The following SMOC2 variants were observed in gnomAD, a reference collection of about 807,000 sequenced individuals.
The protein encoded by SMOC2 is SPARC-related modular calcium-binding protein 2.
SMOC2 carries 39 observed loss-of-function variants against 61.4 expected under a neutral mutation model. The observed-to-expected ratio is 0.64, with a 90% CI of 0.49 to 0.83. SMOC2 has a LOEUF of 0.83. Among genes scored for constraint, SMOC2 ranks in the 40% least tolerant of loss-of-function variants. The pLI is 0.00. For missense variants in SMOC2, 556 were observed against 592.9 expected, an observed-to-expected ratio of 0.94 and a Z score of 0.65; for synonymous variants, 247 against 239.9, an observed-to-expected ratio of 1.03 and a Z score of -0.27.
At chr6:168,570,041 C>T (rs1229898978) in intron 7 of SMOC2, among the ~76,000 whole-genome samples, 6 of 151,598 alleles carry the variant, frequency 4.0e-5, no homozygotes, top group South Asian at 2.1e-4. Context: ...GCGTAAGGTC[C>T]GTGTCTAGAC....
chr6:168,515,490 C>T (rs1311898999), intron 2 of SMOC2, among the ~76,000 whole-genome samples: 2 of 152,228 alleles, frequency 1.3e-5, no homozygotes, highest in African/African-American at 4.8e-5. Context: ...TAAGTCTGTT[C>T]CCTGCTGGGG....
Position 168,647,403 on chromosome 6 carries a change from C to T in SMOC2, c.908-3278C>T, listed in dbSNP as rs930360187. Among the ~76,000 whole-genome samples the T allele has an allele frequency of 2.6e-5, 4 of 152,204 alleles. No homozygotes were observed. In the East Asian group the frequency reaches 7.7e-4, roughly 29 times the overall value. Reference sequence around the variant, plus strand: ...AGCTTCCCCAGCCTGAATCACACACCACAAAATGCCAGAGCAAAGGGTGGC... The same window carrying T: ...AGCTTCCCCAGCCTGAATCACACACTACAAAATGCCAGAGCAAAGGGTGGC... On this transcript the variant is annotated intron_variant, in intron 9 of 12. Transcript: ENST00000356284.
Position 168,568,258 on chromosome 6 carries a change from A to G in SMOC2, c.637+19055A>G, listed in dbSNP as rs1034897998. Among the ~76,000 whole-genome samples, 6 of 152,282 alleles carry G rather than the reference A, an allele frequency of 3.9e-5. No individual in the cohort carries two copies. In the East Asian group the frequency reaches 9.7e-4, roughly 25 times the overall value. On this transcript the variant is annotated intron_variant, in intron 7 of 12. Coordinates refer to ENST00000356284, the MANE Select transcript of SMOC2 (RefSeq NM_001166412.2). ...ATATTAGCATTTAGCGCGTCTTCTC[A>G]TGTCTTCTCCTCAGGGGTGGAACAG...
rs13210747 is a variant in SMOC2, at chr6:168,558,914, T to C, written c.637+9711T>C. Among the ~76,000 whole-genome samples, 76 of 151,962 alleles carry C rather than the reference T, an allele frequency of 5.0e-4. 1 individual carries two copies. Among genetic ancestry groups the C allele is most frequent in the Non-Finnish European group, 9.4e-4 (64 of 67,974 alleles). ...GTGTGCATGTGTGTGCACGTGTGTA[T>C]GTGTGCTTGTGCGCACGTGTGTGCG... On this transcript the variant is annotated intron_variant, in intron 7 of 12. Transcript: ENST00000356284.
chr6:168,497,424 C>T (rs969701214), intron 1 of SMOC2, among the ~76,000 whole-genome samples: 1 of 152,180 alleles, frequency 6.6e-6, no homozygotes, highest in Non-Finnish European at 1.5e-5. Context: ...AAGAATTCGC[C>T]CTTCCTTTCA....
At chr6:168,485,812 T>C (rs1349747155) in intron 1 of SMOC2, among the ~76,000 whole-genome samples, 1 of 152,216 alleles carries the variant, frequency 6.6e-6, no homozygotes, top group Admixed American at 6.6e-5. Flanking sequence ...TTTGAATGGA[T>C]GAATTGTGTG....
chr6:168,588,803 T>C (rs975384475), intron 7 of SMOC2, among the ~76,000 whole-genome samples: 23 of 152,142 alleles, frequency 1.5e-4, no homozygotes, highest in Non-Finnish European at 1.3e-4. Flanking sequence ...AACATAGAAG[T>C]AAATACTGGT....
chr6:168,629,728 CTG>C (rs1786516848), intron 9 of SMOC2, among the ~76,000 whole-genome samples: 1 of 152,170 alleles, frequency 6.6e-6, no homozygotes, highest in Non-Finnish European at 1.5e-5. Context: ...GCAGCTGACT[CTG>C]TGAACAGATG....
chr6:168,491,177 T>C (rs1782465403), intron 1 of SMOC2, among the ~76,000 whole-genome samples: 2 of 152,232 alleles, frequency 1.3e-5, no homozygotes, highest in Non-Finnish European at 2.9e-5. Flanking sequence ...CTTGCTTCCA[T>C]GCTCCTGAGT....
In SMOC2 at chr6:168,570,456, G is replaced by A. The variant is rs1475620490; in HGVS notation, c.637+21253G>A. On this transcript the variant is annotated intron_variant, in intron 7 of 12. Coordinates refer to ENST00000356284, the MANE Select transcript of SMOC2 (RefSeq NM_001166412.2). The stretch of plus-strand genomic sequence containing the variant: ...AATGCTGGAAATAAAAGCACCCAAC[G>A]GCCCAGGGCGCACTCCTGCTAATTC... 7.2e-5 allele frequency among the ~76,000 whole-genome samples: 11 copies of A among 152,126 alleles called. No homozygotes were observed. The South Asian group carries it at 1.0e-3, about 14-fold the overall frequency.
intron 5 of SMOC2, 95 bp from the exon 6 acceptor site, chr6:168,547,024 G>T: frequency 6.9e-7 from 1 of 1,457,452 alleles, no homozygotes. Flanking sequence ...TGTGGGGACT[G>T]AGTGCAAGTC....
At chr6:168,659,825 G>A (rs1787454882) in intron 11 of SMOC2, among the ~76,000 whole-genome samples, 1 of 152,198 alleles carries the variant, frequency 6.6e-6, no homozygotes, top group African/African-American at 2.4e-5. Context: ...TGAGGGTGAA[G>A]GTTGTTGACT....
intron 10 of SMOC2, among the ~76,000 whole-genome samples, 166 bp from the exon 11 acceptor site, chr6:168,652,788 C>G (rs1049837537): frequency 3.3e-5 from 5 of 152,174 alleles, no homozygotes; most frequent in Non-Finnish European, 7.3e-5. Context: ...AAATGTTCTT[C>G]TAAATTATTT....
At chr6:168,606,396 C>G (rs62422553) in intron 8 of SMOC2, among the ~76,000 whole-genome samples, 25,778 of 152,028 alleles carry the variant, frequency 0.17, 2,326 homozygotes, top group Middle Eastern at 0.3. Context: ...TTAAGTTTGT[C>G]TGACTGGGGT....
intron 1 of SMOC2, among the ~76,000 whole-genome samples, chr6:168,481,067 T>C (rs979064802): frequency 6.0e-4 from 91 of 152,266 alleles, no homozygotes; most frequent in African/African-American, 2.0e-3. Context: ...AGTAAACCTT[T>C]CCTGTAAGAA....
chr6:168,535,725 G>A lies in SMOC2; in HGVS notation c.464-7900G>A, dbSNP rs1783714466. 6.6e-6 allele frequency among the ~76,000 whole-genome samples: 1 copy of A among 152,242 alleles called. No homozygotes were observed. The highest frequency in any genetic ancestry group is 6.5e-5 in the Admixed American group (1 of 15,286). On this transcript the variant is annotated intron_variant, in intron 4 of 12. Transcript: ENST00000356284. The surrounding 1 kb of genome is among the most constrained non-coding windows in gnomAD (Gnocchi z 4.6). ...TCTTCATCCACAGAAACACCGAAGT[G>A]GCAAAACTGAGGTTGAGCTGGAGGT...
chr6:168,645,444 G>A (rs543443033), intron 9 of SMOC2, among the ~76,000 whole-genome samples: 5 of 152,318 alleles, frequency 3.3e-5, no homozygotes, highest in Admixed American at 2.0e-4. Context: ...TGGAGTTAGC[G>A]AGTTAGCACG....
At chr6:168,651,823 C>T in intron 10 of SMOC2, among the ~76,000 whole-genome samples, 1 of 152,140 alleles carries the variant, frequency 6.6e-6, no homozygotes, top group Admixed American at 6.5e-5. Flanking sequence ...GGTGGATCAC[C>T]TGAGGTCAGG....
chr6:168,547,998 A>C (rs1784045308), intron 6 of SMOC2, among the ~76,000 whole-genome samples: 1 of 152,198 alleles, frequency 6.6e-6, no homozygotes, highest in Non-Finnish European at 1.5e-5. Context: ...TTTACCTTTA[A>C]TACATTGTCT....
Sources: gnomAD v4.1 joint callset for allele counts (sites outside exome capture counted in the v4.1 genomes callset) on GRCh38, gnomAD v4.1.1 for gene constraint, Gnocchi (gnomAD v3.1) non-coding constraint, MANE v1.5 for transcripts, NCBI Gene and HGNC (gene_info 2026-07-23, HGNC 2026-07-21) for gene names.